Variants in FBXL17 observed in about 807,000 individuals in gnomAD.
The protein encoded by FBXL17 is F-box/LRR-repeat protein 17.
In FBXL17, 22 loss-of-function variants were observed where a neutral mutation model predicts 66.2. The ratio of observed to expected loss-of-function variants is 0.33; its 90% CI spans 0.24 to 0.47. The LOEUF is 0.47. Ranked by LOEUF, FBXL17 falls within the 20% of genes least tolerant of loss-of-function variation. FBXL17 has a pLI of 1.00. For missense variants in FBXL17, 878 were observed against 948.2 expected, an observed-to-expected ratio of 0.93 and a Z score of 0.97; for synonymous variants, 474 against 400.5, an observed-to-expected ratio of 1.18 and a Z score of -2.19.
At chr5:108,174,729 T>C (rs1752727913) in intron 6 of FBXL17, among the ~76,000 whole-genome samples, 1 of 130,748 alleles carries the variant, frequency 7.6e-6, no homozygotes, top group Non-Finnish European at 1.6e-5. Context: ...CATATAGCTA[T>C]ACTTTTTACA....
At chr5:108,083,410 GTTTGT>G (rs1748850537) in intron 6 of FBXL17, among the ~76,000 whole-genome samples, 1 of 152,078 alleles carries the variant, frequency 6.6e-6, no homozygotes, top group African/African-American at 2.4e-5. Flanking sequence ...CCCAGAGTTT[GTTTGT>G]TTTAAGACAA....
At chr5:108,254,833 T>A (rs932438419) in intron 4 of FBXL17, among the ~76,000 whole-genome samples, 2 of 152,188 alleles carry the variant, frequency 1.3e-5, no homozygotes, top group African/African-American at 4.8e-5. Flanking sequence ...TTCAGAAAAA[T>A]CATTGAGTGT....
At chr5:108,250,235 T>A (rs1289087024) in intron 4 of FBXL17, among the ~76,000 whole-genome samples, 1 of 152,132 alleles carries the variant, frequency 6.6e-6, no homozygotes, top group East Asian at 1.9e-4. Context: ...GGGGCCAACG[T>A]CTCTTGGCAT....
chr5:108,200,285 G>C (rs909446255), intron 5 of FBXL17, among the ~76,000 whole-genome samples: 3 of 152,006 alleles, frequency 2.0e-5, no homozygotes, highest in Non-Finnish European at 2.9e-5. Context: ...TATATATAGA[G>C]AAGAGCATGC....
intron 7 of FBXL17, among the ~76,000 whole-genome samples, chr5:107,947,791 T>C (rs1272399527): frequency 6.6e-6 from 1 of 152,118 alleles, no homozygotes; most frequent in Non-Finnish European, 1.5e-5. Context: ...CTAAAACGAG[T>C]GGCTTAGTAG....
Position 108,259,049 on chromosome 5 carries a change from A to G in FBXL17, c.1507-34821T>C, listed in dbSNP as rs149714693. On this transcript the variant is annotated intron_variant, in intron 4 of 8. Transcript: ENST00000542267. ...TTAAATAACAAGTGTCTGTGCGTTA[A>G]AAGTGGCAGGTTTTTTCTCCCTTGA... Among the ~76,000 whole-genome samples the G allele has an allele frequency of 6.7e-4, 102 of 152,292 alleles. 2 individuals carry two copies. Among genetic ancestry groups the G allele is most frequent in the East Asian group, 5.8e-3 (30 of 5,184 alleles).
At position 107,926,058 on chromosome 5, in the gene FBXL17, C is replaced by G. The variant is rs550638076; in HGVS notation, c.1823-44879G>C. On this transcript the variant is annotated intron_variant, in intron 7 of 8. Transcript: ENST00000542267. The stretch of plus-strand genomic sequence containing the variant: ...TGCCAAACTTTATATCCTATTGACT[C>G]CATCAACAGCCTTATAAGGTAGATA... 3.3e-5 allele frequency among the ~76,000 whole-genome samples: 5 copies of G among 152,308 alleles called. No individual in the cohort carries two copies. The South Asian group carries it at 1.0e-3, about 32-fold the overall frequency.
At chr5:108,316,150 A>C (rs1759352039) in intron 4 of FBXL17, among the ~76,000 whole-genome samples, 1 of 151,282 alleles carries the variant, frequency 6.6e-6, no homozygotes, top group South Asian at 2.1e-4. Context: ...ATAAAACTCT[A>C]CCCTTAAGAA....
At chr5:107,952,988 G>A (rs1751545661) in intron 7 of FBXL17, among the ~76,000 whole-genome samples, 2 of 152,020 alleles carry the variant, frequency 1.3e-5, no homozygotes, top group Non-Finnish European at 2.9e-5. Flanking sequence ...CCCTCTCACA[G>A]GTCAGATGTA....
At chr5:107,903,105 T>C (rs1048274769) in intron 7 of FBXL17, among the ~76,000 whole-genome samples, 3 of 152,186 alleles carry the variant, frequency 2.0e-5, no homozygotes, top group South Asian at 4.1e-4. Flanking sequence ...ACCTGACTTG[T>C]AATCTAAGCT....
intron 4 of FBXL17, among the ~76,000 whole-genome samples, chr5:108,271,659 C>A (rs1757272544): frequency 6.6e-6 from 1 of 152,174 alleles, no homozygotes; most frequent in African/African-American, 2.4e-5. Flanking sequence ...AAAACAACAC[C>A]TGAAGCAACA....
At chr5:107,894,656 G>A (rs1749313375) in intron 7 of FBXL17, among the ~76,000 whole-genome samples, 1 of 151,840 alleles carries the variant, frequency 6.6e-6, no homozygotes, top group Admixed American at 6.6e-5. Context: ...CCATCCTGGG[G>A]GACATTATAT....
intron 7 of FBXL17, among the ~76,000 whole-genome samples, chr5:108,007,797 G>A (rs1343042961): frequency 2.0e-5 from 3 of 152,098 alleles, no homozygotes; most frequent in African/African-American, 7.2e-5. Flanking sequence ...ACAGCATAAC[G>A]ATAGAAAGGC....
intron 6 of FBXL17, among the ~76,000 whole-genome samples, chr5:108,075,403 A>G (rs914564956): frequency 2.6e-5 from 4 of 152,200 alleles, no homozygotes; most frequent in African/African-American, 9.6e-5. Context: ...CTAAAATTCC[A>G]TAAGGGCTTC....
intron 7 of FBXL17, among the ~76,000 whole-genome samples, chr5:107,933,408 T>G (rs1487870906): frequency 6.6e-6 from 1 of 152,180 alleles, no homozygotes; most frequent in Non-Finnish European, 1.5e-5. Context: ...AAATTTTTAC[T>G]TACGACTTAC....
intron 5 of FBXL17, among the ~76,000 whole-genome samples, chr5:108,191,055 A>T: frequency 6.6e-6 from 1 of 152,192 alleles, no homozygotes; most frequent in African/African-American, 2.4e-5. Context: ...TTGACATATG[A>T]CTCTTAAACC....
chr5:108,217,936 G>A (rs1231465249), intron 5 of FBXL17, among the ~76,000 whole-genome samples: 1 of 151,644 alleles, frequency 6.6e-6, no homozygotes, highest in Non-Finnish European at 1.5e-5. Context: ...CCATGTTGTT[G>A]CAAATGACAG....
chr5:108,370,522 A>T (rs1394460012), intron 1 of FBXL17, among the ~76,000 whole-genome samples: 1 of 152,128 alleles, frequency 6.6e-6, no homozygotes, highest in Non-Finnish European at 1.5e-5. Context: ...AGGCAGGTGG[A>T]TCATGAGGTC....
chr5:108,374,418 T>G (rs138353702), intron 1 of FBXL17, among the ~76,000 whole-genome samples: 187 of 152,272 alleles, frequency 1.2e-3, no homozygotes, highest in African/African-American at 4.4e-3. Flanking sequence ...AGGCCTATAA[T>G]TCCAGCATTT....
Sources: allele counts gnomAD v4.1 joint callset (sites outside exome capture counted in the v4.1 genomes callset), GRCh38; gene constraint gnomAD v4.1.1; transcripts MANE v1.5; gene names NCBI Gene and HGNC (gene_info 2026-07-23, HGNC 2026-07-21).